Variants in RFX4 observed in about 807,000 individuals in gnomAD.
The protein encoded by RFX4 is transcription factor RFX4.
RFX4 carries 10 observed loss-of-function variants against 95.0 expected under a neutral mutation model. That is an observed-to-expected ratio of 0.11 (90% confidence interval 0.06 to 0.18). The LOEUF (loss-of-function observed/expected upper bound fraction) is 0.18, where lower values mean the gene tolerates loss of function less well. RFX4 is among the 10% of genes least tolerant of loss of function. The pLI is 1.00. For synonymous variants in RFX4, 321 were observed against 340.7 expected (o/e 0.94, Z 0.64); for missense variants, 640 against 922.0 (o/e 0.69, Z 3.96).
In RFX4 at chr12:106,715,544, T is replaced by C. The variant is rs766075775; in HGVS notation, c.1138T>C (p.Leu380=). Residue 380 remains leucine, a splice_region_variant and synonymous_variant, in exon 11 of 18, where the codon TTA becomes CTA. Transcript: ENST00000392842. ...TGAGCACCGGAAACTCATCACCCAA[T>C]GTAAGCTGTCCCACCAGGGATTGTT... is the stretch of plus-strand genomic sequence containing the variant. ...RDEHRKLITQ[L]YQEFDHLLEE... 3 of 1,613,750 alleles carry C rather than the reference T, an allele frequency of 1.9e-6. No homozygotes were observed. Among genetic ancestry groups the C allele is most frequent in the Non-Finnish European group, 2.5e-6 (3 of 1,179,914 alleles).
At chr12:106,633,307 G>A (rs2040452797) in intron 2 of RFX4, among the ~76,000 whole-genome samples, 1 of 152,204 alleles carries the variant, frequency 6.6e-6, no homozygotes. Flanking sequence ...CACCTAGTGA[G>A]GTCCTGTTTC....
At chr12:106,687,182 T>TCTCACTCACA (rs1443795120) in intron 6 of RFX4, 85 bp downstream of exon 6, 1 of 496,004 alleles carries the variant, frequency 2.0e-6, no homozygotes, top group African/African-American at 2.2e-5. Flanking sequence ...TCTCTCTCTC[T>TCTCACTCACA]CACACACACA....
intron 4 of RFX4, among the ~76,000 whole-genome samples, chr12:106,675,185 C>A (rs993829397): frequency 6.6e-6 from 1 of 152,198 alleles, no homozygotes; most frequent in Non-Finnish European, 1.5e-5. Context: ...AATCCCAGCA[C>A]TTTGGGAGGC....
At chr12:106,596,516 T>TGTTC (rs2039622429) in intron 1 of RFX4, among the ~76,000 whole-genome samples, 1 of 152,248 alleles carries the variant, frequency 6.6e-6, no homozygotes, top group Admixed American at 6.5e-5. Flanking sequence ...TCTTCCACTG[T>TGTTC]GTTCAGTCTT....
intron 15 of RFX4, among the ~76,000 whole-genome samples, chr12:106,745,720 C>A (rs1446150711): frequency 6.6e-6 from 1 of 152,112 alleles, no homozygotes; most frequent in Non-Finnish European, 1.5e-5. Flanking sequence ...AATGGGAGAT[C>A]AAATTTTCTC....
At chr12:106,650,880 ATAT>A (rs764645021) in intron 3 of RFX4, among the ~76,000 whole-genome samples, 117 of 152,212 alleles carry the variant, frequency 7.7e-4, no homozygotes, top group Middle Eastern at 6.8e-3. Flanking sequence ...GTTACTGATG[ATAT>A]TATTATTATT....
chr12:106,729,970 A>G (rs1198096628), intron 13 of RFX4, among the ~76,000 whole-genome samples: 1 of 152,200 alleles, frequency 6.6e-6, no homozygotes, highest in Non-Finnish European at 1.5e-5. Flanking sequence ...TTTGCTGAAT[A>G]CCAAATGGCA....
intron 2 of RFX4, among the ~76,000 whole-genome samples, chr12:106,612,156 G>A (rs779108885): frequency 2.0e-5 from 3 of 152,080 alleles, no homozygotes; most frequent in Non-Finnish European, 4.4e-5. Context: ...TATGCCACTC[G>A]GGTTTTGATA....
At position 106,720,994 on chromosome 12, in the gene RFX4, C is replaced by T. The variant is rs907399090; in HGVS notation, c.1351+118C>T. 6.1e-6 allele frequency: 5 copies of T among 815,682 alleles called. No homozygotes were observed. The highest frequency in any genetic ancestry group is 1.0e-5 in the Non-Finnish European group (5 of 484,452). 50.5% of individuals were successfully genotyped at this position (815,682 alleles called of 1,614,324 possible). The stretch of plus-strand genomic sequence containing the variant: ...GCAAGGTCATCACCCTGAAACACAT[C>T]TCTTCTGGGGAGACATGACATTGTT... On this transcript the variant is annotated intron_variant, in intron 13 of 17. Coordinates refer to ENST00000392842, the MANE Select transcript of RFX4 (RefSeq NM_213594.3). This position sits in a 1 kb window ranked among gnomAD's most constrained non-coding sequence, Gnocchi z 4.2.
intron 2 of RFX4, among the ~76,000 whole-genome samples, chr12:106,617,549 T>C (rs2040097986): frequency 6.6e-6 from 1 of 152,244 alleles, no homozygotes; most frequent in African/African-American, 2.4e-5. Flanking sequence ...TTCCTAATTG[T>C]CTTTCTGTTG....
chr12:106,602,733 G>C (rs1273342706), intron 1 of RFX4, among the ~76,000 whole-genome samples: 1 of 152,096 alleles, frequency 6.6e-6, no homozygotes, highest in Non-Finnish European at 1.5e-5. Context: ...CTGCTCATAG[G>C]CTCTTTCTTC....
chr12:106,646,857 A>G (rs1218216188), intron 3 of RFX4, among the ~76,000 whole-genome samples: 2 of 152,246 alleles, frequency 1.3e-5, no homozygotes, highest in African/African-American at 2.4e-5. Flanking sequence ...ACAACAAGGA[A>G]GCTGGGTCAG....
chr12:106,642,562 C>A (rs972903570), intron 3 of RFX4, among the ~76,000 whole-genome samples: 3 of 151,978 alleles, frequency 2.0e-5, no homozygotes, highest in African/African-American at 7.2e-5. Context: ...ACTGTAGTGG[C>A]CTGATTGTGC....
chr12:106,647,630 T>C (rs891179657), intron 3 of RFX4, among the ~76,000 whole-genome samples: 1 of 152,164 alleles, frequency 6.6e-6, no homozygotes, highest in African/African-American at 2.4e-5. Context: ...CAGGACACAG[T>C]GCTAGGAACT....
At position 106,733,061 on chromosome 12, in the gene RFX4, G is replaced by A; in HGVS notation, c.1609G>A (p.Glu537Lys). 1 of 1,614,136 alleles carries A rather than the reference G, an allele frequency of 6.2e-7. No homozygotes were observed. The highest frequency in any genetic ancestry group is 8.5e-7 in the Non-Finnish European group (1 of 1,180,000). Reference protein sequence around the residue: ...PSSPVSNPSPEYTGLSTTGAM... With the variant: ...PSSPVSNPSPKYTGLSTTGAM... ...TTCCCCTGTTAGCAATCCTTCCCCTGAGTACACTGGCCTCAGCACTACAGG... is the reference window on the plus strand; with the variant it reads ...TTCCCCTGTTAGCAATCCTTCCCCTAAGTACACTGGCCTCAGCACTACAGG... The change falls in exon 15 of 18, where the codon GAG (glutamate) becomes AAG (lysine). Residue 537 changes from glutamate to lysine, a missense_variant. Physicochemically the swap from Glu to Lys is moderately conservative, Grantham distance 56 (BLOSUM62 1). This residue lies in a region of RFX4 where 300 missense variants were observed against 346.8 expected (regional missense o/e 0.87). Coordinates refer to ENST00000392842, the MANE Select transcript of RFX4 (RefSeq NM_213594.3).
At position 106,720,991 on chromosome 12, in the gene RFX4, C is replaced by T. The variant is rs191177220; in HGVS notation, c.1351+115C>T. 1.7e-4 allele frequency: 138 copies of T among 835,972 alleles called. 1 individual carries two copies. The highest frequency in any genetic ancestry group is 1.0e-5 in the Non-Finnish European group (5 of 501,352). The allele number at this position is 835,972 out of a possible 1,614,324, so 51.8% of individuals were successfully genotyped here. A position where few individuals can be genotyped will look rare whatever the true frequency, so the allele number is the denominator to read the frequency against. ...TCTGCAAGGTCATCACCCTGAAACA[C>T]ATCTCTTCTGGGGAGACATGACATT... On this transcript the variant is annotated intron_variant, in intron 13 of 17. Coordinates refer to ENST00000392842, the MANE Select transcript of RFX4 (RefSeq NM_213594.3). The surrounding 1 kb of genome is among the most constrained non-coding windows in gnomAD (Gnocchi z 4.2).
chr12:106,720,210 A>G lies in RFX4; in HGVS notation c.1233+156A>G, dbSNP rs1386507336. ...GAGGGGTCAGGAGGCAGGACTCTTG[A>G]GTCTTCCATCCCTGATTCAACCAGG... is the stretch of plus-strand genomic sequence containing the variant. On this transcript the variant is annotated intron_variant, in intron 12 of 17. Transcript: ENST00000392842. This position sits in a 1 kb window ranked among gnomAD's most constrained non-coding sequence, Gnocchi z 4.2. Among the ~76,000 whole-genome samples the G allele has an allele frequency of 6.6e-6, 1 of 152,182 alleles. No individual in the cohort carries two copies.
intron 11 of RFX4, among the ~76,000 whole-genome samples, chr12:106,719,200 G>A (rs2042351683): frequency 6.6e-6 from 1 of 152,176 alleles, no homozygotes; most frequent in African/African-American, 2.4e-5. Context: ...GTTGTAAAGT[G>A]GTAGGATTAT....
At chr12:106,646,020 T>A (rs978602362) in intron 3 of RFX4, 39 of 1,117,460 alleles carry the variant, frequency 3.5e-5, no homozygotes, top group Non-Finnish European at 4.6e-5. Context: ...CAACTTTTTT[T>A]AAAAAAAGTA....
Sources: allele counts gnomAD v4.1 joint callset (sites outside exome capture counted in the v4.1 genomes callset), GRCh38; gene constraint gnomAD v4.1.1; regional missense constraint gnomAD v4.1.1; non-coding constraint Gnocchi (gnomAD v3.1); transcripts MANE v1.5; gene names NCBI Gene and HGNC (gene_info 2026-07-23, HGNC 2026-07-21).